Variants in ADAM12 observed in about 807,000 individuals in gnomAD.
ADAM12 encodes the protein disintegrin and metalloproteinase domain-containing protein 12.
In ADAM12, 70 loss-of-function variants were observed where a neutral mutation model predicts 106.4. The ratio of observed to expected loss-of-function variants is 0.66; its 90% confidence interval spans 0.54 to 0.80. The LOEUF (loss-of-function observed/expected upper bound fraction) is 0.80. Ranked by LOEUF, ADAM12 falls within the 30% of genes least tolerant of loss-of-function variation. The pLI, the probability that ADAM12 is intolerant of heterozygous loss-of-function variation, is 0.00. For synonymous variants in ADAM12, 420 were observed against 433.5 expected (o/e 0.97, Z 0.39); for missense variants, 1,010 against 1,171.9 (o/e 0.86, Z 2.02).
At position 126,042,117 on chromosome 10, in the gene ADAM12, A is replaced by G. The variant is rs766081114; in HGVS notation, c.2104+923T>C. The G allele has an allele frequency of 3.7e-6, 6 of 1,612,816 alleles. No homozygotes were observed. The South Asian group carries it at 6.6e-5, about 18-fold the overall frequency. The stretch of plus-strand genomic sequence containing the variant: ...TGCAGCAGCACTGGTCACGGTCTCC[A>G]TGTCATGGGAGGGCTCAGATGAGTG... On this transcript the variant is annotated intron_variant, in intron 18 of 22. Coordinates refer to ENST00000448723, the MANE Select transcript of ADAM12 (RefSeq NM_001288973.2).
intron 9 of ADAM12, among the ~76,000 whole-genome samples, chr10:126,099,467 T>A (rs1346352829): frequency 4.0e-5 from 6 of 149,034 alleles, no homozygotes; most frequent in African/African-American, 1.5e-4. Flanking sequence ...TTTATTTACA[T>A]CTATATAGAC....
At chr10:126,145,369 T>C (rs375254223) in intron 4 of ADAM12, 1 of 152,578 alleles carries the variant, frequency 6.6e-6, no homozygotes, top group East Asian at 1.9e-4. Context: ...GCTTCCCCAA[T>C]CCACTCCATT....
In ADAM12 at chr10:126,053,212, G is replaced by T. The variant is rs903194475; in HGVS notation, c.1610-3543C>A. 6.6e-6 allele frequency among the ~76,000 whole-genome samples: 1 copy of T among 152,154 alleles called. No homozygotes were observed. Among genetic ancestry groups the T allele is most frequent in the Non-Finnish European group, 1.5e-5 (1 of 68,018 alleles). On this transcript the variant is annotated intron_variant, in intron 14 of 22. Coordinates refer to ENST00000448723, the MANE Select transcript of ADAM12 (RefSeq NM_001288973.2). The surrounding 1 kb of genome is among the most constrained non-coding windows in gnomAD (Gnocchi z 4.6). ...TTCTGAGGCCTCCCCAGAAGCAGAA[G>T]CTACTCTGCTTCCTGTAAAGCCTGC... is the stretch of plus-strand genomic sequence containing the variant.
chr10:126,042,330 A>C, intron 18 of ADAM12: 2 of 1,486,280 alleles, frequency 1.3e-6, no homozygotes, highest in Non-Finnish European at 9.0e-7. Flanking sequence ...CCATTTCTAA[A>C]GGTCATCCGA....
intron 17 of ADAM12, among the ~76,000 whole-genome samples, chr10:126,045,391 G>A (rs189399401): frequency 6.6e-6 from 1 of 152,094 alleles, no homozygotes; most frequent in Non-Finnish European, 1.5e-5. Context: ...GTAATTCTGT[G>A]TAAGAATCAT....
At chr10:126,367,656 A>C (rs1412173242) in intron 1 of ADAM12, among the ~76,000 whole-genome samples, 1 of 152,038 alleles carries the variant, frequency 6.6e-6, no homozygotes, top group East Asian at 1.9e-4. Flanking sequence ...CAGGATGAAA[A>C]AAATGAGAAA....
At chr10:126,369,413 A>G (rs1326447275) in intron 1 of ADAM12, among the ~76,000 whole-genome samples, 1 of 152,204 alleles carries the variant, frequency 6.6e-6, no homozygotes, top group Non-Finnish European at 1.5e-5. Context: ...TCTGACAGAG[A>G]CATAGCATTT....
At chr10:126,034,212 T>G (rs1954018278) in intron 21 of ADAM12, among the ~76,000 whole-genome samples, 1 of 152,176 alleles carries the variant, frequency 6.6e-6, no homozygotes, top group African/African-American at 2.4e-5. Flanking sequence ...GAGCAGTGGT[T>G]TTCAATCAAG....
intron 3 of ADAM12, among the ~76,000 whole-genome samples, chr10:126,182,743 A>G (rs1590576207): frequency 6.6e-6 from 1 of 152,200 alleles, no homozygotes; most frequent in East Asian, 1.9e-4. Context: ...AGTGTAGCAG[A>G]AGGTTTTGCG....
intron 12 of ADAM12, among the ~76,000 whole-genome samples, chr10:126,067,563 T>A (rs1017951473): frequency 6.6e-6 from 1 of 152,218 alleles, no homozygotes; most frequent in Non-Finnish European, 1.5e-5. Flanking sequence ...TTGCTTCCAT[T>A]TTTTCCTAAC....
intron 4 of ADAM12, among the ~76,000 whole-genome samples, chr10:126,143,200 T>C (rs559721421): frequency 2.0e-5 from 3 of 151,702 alleles, no homozygotes; most frequent in Non-Finnish European, 4.4e-5. Flanking sequence ...TGTGTATATG[T>C]ATGTGTGTAT....
chr10:126,031,726 G>GT (rs34450846), intron 21 of ADAM12, among the ~76,000 whole-genome samples: 3,296 of 152,278 alleles, frequency 0.022, 102 homozygotes, highest in East Asian at 0.11. Context: ...AATATTATAT[G>GT]TTGCATATAA....
chr10:126,352,462 CA>C (rs1420346856), intron 1 of ADAM12, among the ~76,000 whole-genome samples: 1 of 152,118 alleles, frequency 6.6e-6, no homozygotes, highest in East Asian at 1.9e-4. Flanking sequence ...CTAAGAAAAG[CA>C]AACCTGTGTA....
chr10:126,262,677 A>G (rs1465520721), intron 3 of ADAM12, among the ~76,000 whole-genome samples: 8 of 152,240 alleles, frequency 5.3e-5, no homozygotes. Context: ...GGACATAACT[A>G]GAGTCCCAGA....
intron 14 of ADAM12, among the ~76,000 whole-genome samples, chr10:126,055,071 A>ATC (rs1954599756): frequency 6.6e-6 from 1 of 152,222 alleles, no homozygotes; most frequent in African/African-American, 2.4e-5. Context: ...AAAGAAGAGA[A>ATC]TCTCATCTGA....
chr10:126,282,382 C>T (rs1403059382), intron 2 of ADAM12, among the ~76,000 whole-genome samples: 1 of 152,178 alleles, frequency 6.6e-6, no homozygotes, highest in Non-Finnish European at 1.5e-5. Flanking sequence ...TCATCTCATA[C>T]ACTTTCTCAT....
chr10:126,087,940 C>T (rs1336201908), intron 11 of ADAM12, among the ~76,000 whole-genome samples: 3 of 152,142 alleles, frequency 2.0e-5, no homozygotes, highest in African/African-American at 7.2e-5. Context: ...AGCGGTCTGC[C>T]CAGCCTGTAT....
intron 3 of ADAM12, among the ~76,000 whole-genome samples, chr10:126,206,016 C>T (rs541131562): frequency 1.3e-5 from 2 of 152,168 alleles, no homozygotes; most frequent in East Asian, 1.9e-4. Context: ...TATTATCTGG[C>T]CTGCTTAGCT....
At chr10:126,126,314 T>C (rs1176098707) in intron 5 of ADAM12, among the ~76,000 whole-genome samples, 1 of 152,118 alleles carries the variant, frequency 6.6e-6, no homozygotes, top group Admixed American at 6.5e-5. Flanking sequence ...TCCTTCAGGA[T>C]CCCCAGCATC....
Sources: allele counts gnomAD v4.1 joint callset (sites outside exome capture counted in the v4.1 genomes callset), GRCh38; gene constraint gnomAD v4.1.1; non-coding constraint Gnocchi (gnomAD v3.1); transcripts MANE v1.5; gene names NCBI Gene and HGNC (gene_info 2026-07-23, HGNC 2026-07-21).